MAP2K5: variants seen among roughly 807,000 people sequenced by gnomAD.
MAP2K5 encodes dual specificity mitogen-activated protein kinase kinase 5.
MAP2K5 carries 49 observed loss-of-function variants against 83.1 expected under a neutral mutation model. The ratio of observed to expected loss-of-function variants is 0.59; its 90% CI spans 0.47 to 0.75. MAP2K5 has a LOEUF of 0.75. Among genes scored for constraint, MAP2K5 ranks in the 30% least tolerant of loss-of-function variants. The pLI is 0.00. For missense variants in MAP2K5, 457 were observed against 557.5 expected, an observed-to-expected ratio of 0.82 and a Z score of 1.82; for synonymous variants, 202 against 191.8, an observed-to-expected ratio of 1.05 and a Z score of -0.44.
At chr15:67,547,884 C>G (rs1303387694) in intron 1 of MAP2K5, among the ~76,000 whole-genome samples, 1 of 152,176 alleles carries the variant, frequency 6.6e-6, no homozygotes, top group African/African-American at 2.4e-5. Flanking sequence ...ATGTACCCTG[C>G]TTTAAAATGA....
At chr15:67,634,063 T>A (rs2086534616) in intron 9 of MAP2K5, among the ~76,000 whole-genome samples, 1 of 151,950 alleles carries the variant, frequency 6.6e-6, no homozygotes, top group Non-Finnish European at 1.5e-5. Context: ...TAAACAGTCC[T>A]TGTACACATG....
At chr15:67,642,793 C>T (rs1388029045) in intron 9 of MAP2K5, among the ~76,000 whole-genome samples, 5 of 151,966 alleles carry the variant, frequency 3.3e-5, no homozygotes, top group South Asian at 2.1e-4. Context: ...TTATTGTAGG[C>T]GATGGGAACA....
At chr15:67,678,820 G>C (rs1427901103) in intron 13 of MAP2K5, among the ~76,000 whole-genome samples, 2 of 151,804 alleles carry the variant, frequency 1.3e-5, no homozygotes, top group Non-Finnish European at 2.9e-5. Context: ...AAAAATTAGC[G>C]GGGCATGGTG....
At chr15:67,733,554 G>C (rs117260725) in intron 17 of MAP2K5, among the ~76,000 whole-genome samples, 1 of 152,252 alleles carries the variant, frequency 6.6e-6, no homozygotes, top group East Asian at 1.9e-4. Context: ...ATTTGGACTA[G>C]GGTAAAAGGA....
chr15:67,600,979 G>A (rs1037112726), intron 8 of MAP2K5, among the ~76,000 whole-genome samples: 3 of 152,062 alleles, frequency 2.0e-5, no homozygotes, highest in African/African-American at 4.8e-5. Context: ...GTAGTTAATA[G>A]TCCACCATTA....
At chr15:67,756,372 T>TTA (rs1456545830) in intron 19 of MAP2K5, among the ~76,000 whole-genome samples, 2 of 152,176 alleles carry the variant, frequency 1.3e-5, no homozygotes, top group African/African-American at 4.8e-5. Flanking sequence ...AATGTGAAAG[T>TTA]TATATTTTTC....
chr15:67,625,966 C>T (rs570740457), intron 8 of MAP2K5, among the ~76,000 whole-genome samples: 16 of 152,222 alleles, frequency 1.1e-4, no homozygotes, highest in Non-Finnish European at 1.8e-4. Flanking sequence ...ATTTTCTTAT[C>T]GCTGCTGCTG....
chr15:67,641,108 A>C (rs1012298930), intron 9 of MAP2K5, among the ~76,000 whole-genome samples: 8 of 152,202 alleles, frequency 5.3e-5, no homozygotes, highest in Non-Finnish European at 8.8e-5. Context: ...GTATTCTATA[A>C]AATCTTTCAA....
intron 8 of MAP2K5, among the ~76,000 whole-genome samples, chr15:67,611,978 A>G (rs1652946320): frequency 6.6e-6 from 1 of 152,070 alleles, no homozygotes; most frequent in Admixed American, 6.6e-5. Context: ...TAATCTCTGA[A>G]TAACTGATTA....
rs893637321 is a variant in MAP2K5 at position 67,746,964 on chromosome 15, G to A, written c.1075-1267G>A. ...TGAGAGGAACCAACATGTCAAAATG[G>A]ATAATTTATCAACAATACCATACCA... is the stretch of plus-strand genomic sequence containing the variant. On this transcript the variant is annotated intron_variant, in intron 17 of 21. Coordinates refer to ENST00000178640, the MANE Select transcript of MAP2K5 (RefSeq NM_145160.3). The surrounding 1 kb of genome is among the most constrained non-coding windows in gnomAD (Gnocchi z 4.1). 3.9e-5 allele frequency among the ~76,000 whole-genome samples: 6 copies of A among 152,158 alleles called. No homozygotes were observed. Among genetic ancestry groups the A allele is most frequent in the Admixed American group, 3.9e-4 (6 of 15,272 alleles).
chr15:67,666,021 AT>A (rs1446499460), intron 13 of MAP2K5, among the ~76,000 whole-genome samples: 1 of 152,200 alleles, frequency 6.6e-6, no homozygotes, highest in African/African-American at 2.4e-5. Context: ...AGTTCTCAAA[AT>A]TTTATTGATT....
At chr15:67,664,842 T>C (rs2087333513) in intron 13 of MAP2K5, among the ~76,000 whole-genome samples, 197 bp downstream of exon 13, 1 of 152,216 alleles carries the variant, frequency 6.6e-6, no homozygotes, top group Non-Finnish European at 1.5e-5. Flanking sequence ...AACTTGGTAG[T>C]GTGTTTTTGT....
intron 17 of MAP2K5, among the ~76,000 whole-genome samples, chr15:67,744,917 T>C (rs927154353): frequency 2.0e-5 from 3 of 152,238 alleles, no homozygotes; most frequent in African/African-American, 7.2e-5. Context: ...GGCTGCCTTC[T>C]ATGAAGTCAT....
At chr15:67,751,540 A>C (rs3784707) in intron 19 of MAP2K5, among the ~76,000 whole-genome samples, 31,045 of 152,138 alleles carry the variant, frequency 0.2, 4,505 homozygotes, top group East Asian at 0.6. Context: ...TAGCCATCTG[A>C]TATCTTTGGG....
intron 7 of MAP2K5, among the ~76,000 whole-genome samples, chr15:67,598,714 C>T (rs113589707): frequency 3.0e-4 from 45 of 152,310 alleles, no homozygotes; most frequent in African/African-American, 1.0e-3. Flanking sequence ...ATACCTACCC[C>T]TTTGCCTATG....
At chr15:67,657,182 T>G (rs1038569687) in intron 11 of MAP2K5, among the ~76,000 whole-genome samples, 1 of 152,168 alleles carries the variant, frequency 6.6e-6, no homozygotes, top group Non-Finnish European at 1.5e-5. Context: ...TAATCTTTGT[T>G]TTTTAGGTTT....
rs1219405098 is a variant in MAP2K5 at position 67,755,108 on chromosome 15, A to G, written c.1134+6507A>G. ...TCCCACCTCAGCCTCCCAAGTAACT[A>G]GGATTACAGGTGTGCACCACCACGC... On this transcript the variant is annotated intron_variant, in intron 19 of 21. Transcript: ENST00000178640. The surrounding 1 kb of genome is among the most constrained non-coding windows in gnomAD (Gnocchi z 4.7). Among the ~76,000 whole-genome samples, 1 of 152,008 alleles carries G rather than the reference A, an allele frequency of 6.6e-6. No individual in the cohort carries two copies. The highest frequency in any genetic ancestry group is 6.6e-5 in the Admixed American group (1 of 15,262).
rs1439044931 is a variant in MAP2K5 at position 67,668,309 on chromosome 15, C to CT, written c.847+3668dup. Among the ~76,000 whole-genome samples, 1 of 152,072 alleles carries CT rather than the reference C, an allele frequency of 6.6e-6. No homozygotes were observed. The highest frequency in any genetic ancestry group is 1.5e-5 in the Non-Finnish European group (1 of 68,010). The stretch of plus-strand genomic sequence containing the variant: ...TTACTGAGTCAAAAATTATGAAAAT[C>CT]TTTTCTCTAAAATAAACCAAACGTG... On this transcript the variant is annotated intron_variant, in intron 13 of 21. Coordinates refer to ENST00000178640, the MANE Select transcript of MAP2K5 (RefSeq NM_145160.3). The surrounding 1 kb of genome is among the most constrained non-coding windows in gnomAD (Gnocchi z 4.0).
At chr15:67,664,497 T>G in intron 12 of MAP2K5, 100 bp from the exon 13 acceptor site, 1 of 707,320 alleles carries the variant, frequency 1.4e-6, no homozygotes, top group Non-Finnish European at 2.4e-6. Flanking sequence ...GGTGACACCC[T>G]GTCTCAAAAA....
Sources: allele counts gnomAD v4.1 joint callset (sites outside exome capture counted in the v4.1 genomes callset), GRCh38; gene constraint gnomAD v4.1.1; non-coding constraint Gnocchi (gnomAD v3.1); transcripts MANE v1.5; gene names NCBI Gene and HGNC (gene_info 2026-07-23, HGNC 2026-07-21).